C11orf58: variants seen among roughly 807,000 people sequenced by gnomAD.
C11orf58 encodes chromosome 11 open reading frame 58.
C11orf58 carries 5 observed loss-of-function variants against 22.7 expected under a neutral mutation model. The observed-to-expected ratio is 0.22, with a 90% CI of 0.12 to 0.46. C11orf58 has a LOEUF of 0.46. Ranked by LOEUF, C11orf58 falls within the 20% of genes least tolerant of loss-of-function variation. The pLI, the probability that C11orf58 is intolerant of heterozygous loss-of-function variation, is 0.99. For missense variants in C11orf58, 151 were observed against 223.3 expected (o/e 0.68, Z 2.06); for synonymous variants, 71 against 70.7 (o/e 1.00, Z -0.02).
chr11:16,746,644 A>C (rs1848489980), intron 2 of C11orf58: 1 of 152,196 alleles, frequency 6.6e-6, no homozygotes, highest in East Asian at 1.9e-4. Flanking sequence ...TATAAAATAT[A>C]TGGAAGTTGA....
At chr11:16,741,510 T>G (rs1447446101) in intron 1 of C11orf58, among the ~76,000 whole-genome samples, 1 of 152,228 alleles carries the variant, frequency 6.6e-6, no homozygotes, top group African/African-American at 2.4e-5. Context: ...CCCACGTGCT[T>G]TTCAGAATGC....
Position 16,755,153 on chromosome 11 carries a change from T to C in C11orf58, c.*49T>C. On this transcript the variant is annotated 3_prime_UTR_variant, in exon 5 of 5. Coordinates refer to ENST00000228136, the MANE Select transcript of C11orf58 (RefSeq NM_014267.6). ...TTAAAAGTAAGCCTTATTGTTACAATGCACAGTGGAGGACTGCTTATAGAG... is the reference window on the plus strand; with the variant it reads ...TTAAAAGTAAGCCTTATTGTTACAACGCACAGTGGAGGACTGCTTATAGAG... 6.3e-7 allele frequency: 1 copy of C among 1,590,810 alleles called. No individual in the cohort carries two copies. Among genetic ancestry groups the C allele is most frequent in the East Asian group, 2.2e-5 (1 of 44,754 alleles).
intron 4 of C11orf58, among the ~76,000 whole-genome samples, chr11:16,754,456 G>A (rs1228055587): frequency 6.9e-6 from 1 of 145,496 alleles, no homozygotes; most frequent in South Asian, 2.2e-4. Context: ...TCAGCCTCCC[G>A]AGTAGCTAGA....
At position 16,755,166 on chromosome 11, in the gene C11orf58, A is replaced by G; in HGVS notation, c.*62A>G. ...TTATTGTTACAATGCACAGTGGAGG[A>G]CTGCTTATAGAGCACAGACCTTTGT... On this transcript the variant is annotated 3_prime_UTR_variant, in exon 5 of 5. Coordinates refer to ENST00000228136, the MANE Select transcript of C11orf58 (RefSeq NM_014267.6). The G allele has an allele frequency of 1.3e-6, 2 of 1,552,828 alleles. No homozygotes were observed. The highest frequency in any genetic ancestry group is 1.8e-6 in the Non-Finnish European group (2 of 1,140,732).
intron 3 of C11orf58, chr11:16,751,495 C>CT (rs1491399101): frequency 2.8e-4 from 29 of 105,144 alleles, no homozygotes; most frequent in South Asian, 7.8e-4. Flanking sequence ...GAGCGAGACT[C>CT]CCTCGAAAAA....
chr11:16,746,253 A>G (rs1298637862), intron 2 of C11orf58, among the ~76,000 whole-genome samples: 67 of 152,240 alleles, frequency 4.4e-4, no homozygotes, highest in Non-Finnish European at 2.9e-5. Flanking sequence ...AGACCTATTT[A>G]AATAAAGCAT....
Position 16,738,853 on chromosome 11 carries a change from T to C in C11orf58, c.63+12T>C. The C allele has an allele frequency of 6.2e-7, 1 of 1,613,828 alleles. No individual in the cohort carries two copies. Among genetic ancestry groups the C allele is most frequent in the South Asian group, 1.1e-5 (1 of 91,070 alleles). ...CCCCAGACGACGATGTAAATAATAA[T>C]GGCGGAGTGGCTGAGGGTTGAGGCC... On this transcript the variant is annotated intron_variant, in intron 1 of 4. Transcript: ENST00000228136.
At chr11:16,745,010 G>C (rs537793383) in intron 2 of C11orf58, among the ~76,000 whole-genome samples, 1 of 152,202 alleles carries the variant, frequency 6.6e-6, no homozygotes, top group African/African-American at 2.4e-5. Flanking sequence ...ATTTCTTCTG[G>C]GTAGGTTATC....
At chr11:16,743,263 C>T (rs910912835) in intron 1 of C11orf58, among the ~76,000 whole-genome samples, 2 of 152,174 alleles carry the variant, frequency 1.3e-5, no homozygotes, top group Non-Finnish European at 2.9e-5. Flanking sequence ...AATTTTGATG[C>T]ATAAACATTG....
At chr11:16,741,635 T>A (rs908803154) in intron 1 of C11orf58, among the ~76,000 whole-genome samples, 1 of 152,224 alleles carries the variant, frequency 6.6e-6, no homozygotes, top group Non-Finnish European at 1.5e-5. Flanking sequence ...CAAAGCTTCA[T>A]CTGTATTTAC....
In C11orf58 at chr11:16,755,250, C is replaced by T; in HGVS notation, c.*146C>T. 1.1e-6 allele frequency: 1 copy of T among 921,296 alleles called. No homozygotes were observed. Among genetic ancestry groups the T allele is most frequent in the African/African-American group, 1.7e-5 (1 of 60,436 alleles). 57.1% of individuals were successfully genotyped at this position (921,296 alleles called of 1,614,324 possible). Reference sequence around the variant, plus strand: ...TACAAAGAGTGTTTGCTTTCAAATGCCATGGGTTACACTTTTATGGGCATG... The same window carrying T: ...TACAAAGAGTGTTTGCTTTCAAATGTCATGGGTTACACTTTTATGGGCATG... On this transcript the variant is annotated 3_prime_UTR_variant, in exon 5 of 5. Transcript: ENST00000228136.
Position 16,756,319 on chromosome 11 carries a change from G to T in C11orf58, c.*1215G>T, listed in dbSNP as rs1365789918. 6.8e-6 allele frequency: 1 copy of T among 146,026 alleles called. No individual in the cohort carries two copies. The highest frequency in any genetic ancestry group is 1.5e-5 in the Non-Finnish European group (1 of 67,180). The allele number at this position is 146,026 out of a possible 1,614,324, so 9.0% of individuals were successfully genotyped here. ...GAGTCTCATTCTGTCGCCCAGGCTG[G>T]AGTGCAGTGGCGCGATCTCAGCTAA... On this transcript the variant is annotated 3_prime_UTR_variant, in exon 5 of 5. Coordinates refer to ENST00000228136, the MANE Select transcript of C11orf58 (RefSeq NM_014267.6).
intron 3 of C11orf58, chr11:16,749,818 A>T (rs193088663): frequency 6.6e-6 from 1 of 152,310 alleles, no homozygotes; most frequent in Admixed American, 6.5e-5. Flanking sequence ...TAATCAATCA[A>T]CTGCTTGCAG....
rs549836890 is a variant in C11orf58, at chr11:16,754,786, T to C, written c.319-85T>C. ...TAATGGCTACAAAGTAGAGTGTTTC[T>C]AAGACCGACAGAACTTACGGTCTTT... On this transcript the variant is annotated intron_variant, in intron 4 of 4. Transcript: ENST00000228136. The C allele has an allele frequency of 1.9e-6, 3 of 1,558,750 alleles. No individual in the cohort carries two copies. In the East Asian group the frequency reaches 6.7e-5, roughly 35 times the overall value.
In C11orf58 at chr11:16,738,824, G is replaced by C; in HGVS notation, c.46G>C (p.Ala16Pro). The change falls in exon 1 of 5, where the codon GCC becomes CCC. Residue 16 changes from alanine (A) to proline (P), a missense_variant. Physicochemically the swap from Ala to Pro is conservative, Grantham distance 27. This residue lies in a region of C11orf58 where 34 missense variants were observed against 36.5 expected (regional missense o/e 0.93). Coordinates refer to ENST00000228136, the MANE Select transcript of C11orf58 (RefSeq NM_014267.6). ...ESHPHGVKRS[A>P]SPDDDLGSSN... ...TCACCCGCATGGGGTGAAGCGTTCA[G>C]CCTCCCCAGACGACGATGTAAATAA... is the stretch of plus-strand genomic sequence containing the variant. The C allele has an allele frequency of 1.2e-6, 2 of 1,614,164 alleles. No individual in the cohort carries two copies. The highest frequency in any genetic ancestry group is 1.7e-6 in the Non-Finnish European group (2 of 1,180,020).
intron 3 of C11orf58, chr11:16,748,509 G>A (rs1373681956): frequency 6.4e-6 from 1 of 156,362 alleles, no homozygotes; most frequent in African/African-American, 2.4e-5. Context: ...TTGGGAGGCT[G>A]AGGTGGGCCG....
chr11:16,757,682 A>G lies in C11orf58; in HGVS notation c.*2578A>G, dbSNP rs1848592200. Reference sequence around the variant, plus strand: ...CTATTCAGTGGAAAGTTTAGTGGCAACTTTTCCATATCATTCATGACTTAA... The same window carrying G: ...CTATTCAGTGGAAAGTTTAGTGGCAGCTTTTCCATATCATTCATGACTTAA... On this transcript the variant is annotated 3_prime_UTR_variant, in exon 5 of 5. Transcript: ENST00000228136. Among the ~76,000 whole-genome samples, 1 of 152,226 alleles carries G rather than the reference A, an allele frequency of 6.6e-6. No homozygotes were observed. The highest frequency in any genetic ancestry group is 1.5e-5 in the Non-Finnish European group (1 of 68,042).
chr11:16,747,214 A>C (rs1848494396), intron 2 of C11orf58: 1 of 152,224 alleles, frequency 6.6e-6, no homozygotes, highest in South Asian at 2.1e-4. Context: ...TGATTTGCTT[A>C]TGTGTTAATG....
chr11:16,757,498 GT>G lies in C11orf58; in HGVS notation c.*2397del, dbSNP rs1171750726. 6.6e-6 allele frequency among the ~76,000 whole-genome samples: 1 copy of G among 152,158 alleles called. No homozygotes were observed. The highest frequency in any genetic ancestry group is 1.5e-5 in the Non-Finnish European group (1 of 68,030). On this transcript the variant is annotated 3_prime_UTR_variant, in exon 5 of 5. Coordinates refer to ENST00000228136, the MANE Select transcript of C11orf58 (RefSeq NM_014267.6). ...TAGGTCTGTTGGTCCATGTGGCCTG[GT>G]TTCCTAGCACCCATTAAACATAATG... is the stretch of plus-strand genomic sequence containing the variant.
Sources: allele counts gnomAD v4.1 joint callset (sites outside exome capture counted in the v4.1 genomes callset), GRCh38; gene constraint gnomAD v4.1.1; regional missense constraint gnomAD v4.1.1; transcripts MANE v1.5; gene names NCBI Gene and HGNC (gene_info 2026-07-23, HGNC 2026-07-21).